Variants in LMX1A observed in about 807,000 individuals in gnomAD.
LMX1A encodes the protein LIM homeobox transcription factor 1-alpha.
LMX1A carries 15 observed loss-of-function variants against 49.1 expected under a neutral mutation model. The ratio of observed to expected loss-of-function variants is 0.31; its 90% CI spans 0.20 to 0.47. LMX1A has a LOEUF of 0.47. Among genes scored for constraint, LMX1A ranks in the 20% least tolerant of loss-of-function variants. The probability of loss-of-function intolerance (pLI) is 1.00; values close to 1 mark genes in which losing one functional copy is unlikely to be tolerated. For missense variants in LMX1A, 372 were observed against 475.8 expected, an observed-to-expected ratio of 0.78 and a Z score of 2.03; for synonymous variants, 167 against 185.7, an observed-to-expected ratio of 0.90 and a Z score of 0.82.
In LMX1A at chr1:165,355,252, C is replaced by T. The variant is rs149307056; in HGVS notation, c.76+232G>A. Among the ~76,000 whole-genome samples the T allele has an allele frequency of 5.7e-3, 873 of 152,236 alleles. 22 individuals are homozygous for T. The highest frequency in any genetic ancestry group is 0.05 in the Admixed American group (760 of 15,292). ...TACGAACAAGCTCGCCCGCCCCTCG[C>T]GGCTTTGGGGAATTCGGTGCCCAGT... On this transcript the variant is annotated intron_variant, in intron 2 of 8. Coordinates refer to ENST00000342310, the MANE Select transcript of LMX1A (RefSeq NM_177398.4). This position sits in a 1 kb window ranked among gnomAD's most constrained non-coding sequence, Gnocchi z 4.7.
chr1:165,306,264 G>A (rs1270957197), intron 3 of LMX1A, among the ~76,000 whole-genome samples: 1 of 152,212 alleles, frequency 6.6e-6, no homozygotes, highest in African/African-American at 2.4e-5. Context: ...TCACTCTCCT[G>A]TTGCCCCTCC....
chr1:165,320,971 CA>C (rs34570833), intron 3 of LMX1A, among the ~76,000 whole-genome samples: 1 of 151,858 alleles, frequency 6.6e-6, no homozygotes, highest in East Asian at 1.9e-4. Context: ...TCATAGTAGC[CA>C]AAAAAAGTTA....
At chr1:165,337,989 C>T (rs1655955301) in intron 3 of LMX1A, among the ~76,000 whole-genome samples, 1 of 151,818 alleles carries the variant, frequency 6.6e-6, no homozygotes, top group African/African-American at 2.4e-5. Context: ...TGATTCACCC[C>T]TTATGCACAA....
At chr1:165,264,420 GCA>G (rs145931955) in intron 3 of LMX1A, among the ~76,000 whole-genome samples, 1 of 151,066 alleles carries the variant, frequency 6.6e-6, no homozygotes. Context: ...GCATATGCTC[GCA>G]CACACACACA....
At chr1:165,234,186 A>G (rs1377257143) in intron 4 of LMX1A, among the ~76,000 whole-genome samples, 2 of 152,204 alleles carry the variant, frequency 1.3e-5, no homozygotes, top group Admixed American at 6.5e-5. Context: ...GAGCAACACT[A>G]CAATCCAGCC....
chr1:165,316,163 C>T (rs1655214314), intron 3 of LMX1A, among the ~76,000 whole-genome samples: 1 of 152,156 alleles, frequency 6.6e-6, no homozygotes, highest in African/African-American at 2.4e-5. Context: ...TGGGTAGCTG[C>T]CTTGGTGACA....
chr1:165,252,331 C>T (rs963823306), intron 3 of LMX1A, among the ~76,000 whole-genome samples: 2 of 152,212 alleles, frequency 1.3e-5, no homozygotes, highest in Non-Finnish European at 2.9e-5. Context: ...TGTCTCTCTT[C>T]TCTTCCTTGT....
chr1:165,307,959 C>T (rs1654967852), intron 3 of LMX1A, among the ~76,000 whole-genome samples: 1 of 152,200 alleles, frequency 6.6e-6, no homozygotes, highest in African/African-American at 2.4e-5. Flanking sequence ...CTCCCCCTTC[C>T]TCCTTGGTTC....
chr1:165,251,887 A>G (rs375399443), intron 3 of LMX1A, among the ~76,000 whole-genome samples: 1 of 152,070 alleles, frequency 6.6e-6, no homozygotes, highest in South Asian at 2.1e-4. Context: ...CAAAACTACA[A>G]TATGAAAAGT....
intron 3 of LMX1A, 32 bp downstream of exon 3, chr1:165,353,044 G>T (rs374382494): frequency 4.4e-6 from 7 of 1,608,990 alleles, no homozygotes; most frequent in Admixed American, 3.3e-5. Context: ...ATGCCAGTGC[G>T]CGGGGAGCGC....
At chr1:165,324,194 G>T (rs1444299694) in intron 3 of LMX1A, among the ~76,000 whole-genome samples, 1 of 152,220 alleles carries the variant, frequency 6.6e-6, no homozygotes, top group African/African-American at 2.4e-5. Flanking sequence ...CAGACCACCT[G>T]CAGAAGGTGA....
chr1:165,344,220 T>C (rs1656168111), intron 3 of LMX1A, among the ~76,000 whole-genome samples: 1 of 152,214 alleles, frequency 6.6e-6, no homozygotes. Flanking sequence ...CCTGGGATGT[T>C]CTTCCCTTCT....
Position 165,353,167 on chromosome 1 carries a change from G to C in LMX1A, c.172C>G (p.Gln58Glu). The change falls in exon 3 of 9, where the codon CAG becomes GAG. Residue 58 changes from glutamine to glutamate, a missense_variant. By Grantham distance (29) the Gln-to-Glu change is conservative (BLOSUM62 2). Around this residue, in one of 3 missense-constraint regions of LMX1A, gnomAD observed 199 missense variants for 244.0 expected, o/e 0.82. Transcript: ENST00000342310. ...LRLNDSFWHEQCVQCASCKEP... is the reference protein window; with the variant it reads ...LRLNDSFWHEECVQCASCKEP... The stretch of plus-strand genomic sequence containing the variant: ...TTGCAGGAGGCGCACTGCACGCACT[G>C]CTCATGCCAGAAGCTGTCGTTGAGC... The C allele has an allele frequency of 1.2e-6, 2 of 1,614,156 alleles. No individual in the cohort carries two copies.
chr1:165,330,463 C>T (rs1305277318), intron 3 of LMX1A, among the ~76,000 whole-genome samples: 2 of 152,194 alleles, frequency 1.3e-5, no homozygotes, highest in Admixed American at 6.5e-5. Flanking sequence ...ACAGAAAGAC[C>T]TTGTCTCAAA....
chr1:165,275,965 A>G (rs1471650251), intron 3 of LMX1A, among the ~76,000 whole-genome samples: 1 of 151,858 alleles, frequency 6.6e-6, no homozygotes, highest in Non-Finnish European at 1.5e-5. Context: ...GGAGATGGCC[A>G]CAACTGTGTT....
At chr1:165,313,585 G>C (rs1465216380) in intron 3 of LMX1A, among the ~76,000 whole-genome samples, 1 of 151,100 alleles carries the variant, frequency 6.6e-6, no homozygotes, top group African/African-American at 2.4e-5. Context: ...ACAAAAAATG[G>C]TATGGAATCC....
intron 4 of LMX1A, among the ~76,000 whole-genome samples, chr1:165,239,628 GA>G (rs1652574902): frequency 6.6e-6 from 1 of 152,206 alleles, no homozygotes; most frequent in Non-Finnish European, 1.5e-5. Context: ...TGTTGATTTT[GA>G]AAACAATCTG....
intron 3 of LMX1A, among the ~76,000 whole-genome samples, chr1:165,308,914 A>C (rs1439998646): frequency 6.6e-6 from 1 of 152,152 alleles, no homozygotes; most frequent in Non-Finnish European, 1.5e-5. Context: ...GGGACCTGAC[A>C]CAATCCTGGG....
chr1:165,291,024 C>A (rs541990372), intron 3 of LMX1A, among the ~76,000 whole-genome samples: 2 of 152,298 alleles, frequency 1.3e-5, no homozygotes, highest in East Asian at 1.9e-4. Flanking sequence ...AATTTATATA[C>A]CTGCCCACTG....
Sources: gnomAD v4.1 joint callset for allele counts (sites outside exome capture counted in the v4.1 genomes callset) on GRCh38, gnomAD v4.1.1 for gene constraint, gnomAD v4.1.1 regional missense constraint, Gnocchi (gnomAD v3.1) non-coding constraint, MANE v1.5 for transcripts, NCBI Gene and HGNC (gene_info 2026-07-23, HGNC 2026-07-21) for gene names.